TMEM185A: variants seen among roughly 807,000 people sequenced by gnomAD.
TMEM185A encodes family with sequence similarity 11, member A.
In TMEM185A, 9 loss-of-function variants were observed where a neutral mutation model predicts 25.0. The ratio of observed to expected loss-of-function variants is 0.36; its 90% CI spans 0.22 to 0.63. The LOEUF (loss-of-function observed/expected upper bound fraction) is 0.63. Ranked by LOEUF, TMEM185A falls within the 20% of genes least tolerant of loss-of-function variation. The pLI, the probability that TMEM185A is intolerant of heterozygous loss-of-function variation, is 0.68. For missense variants in TMEM185A, 103 were observed against 237.4 expected, an observed-to-expected ratio of 0.43 and a Z score of 3.72; for synonymous variants, 45 against 93.5, an observed-to-expected ratio of 0.48 and a Z score of 2.99.
At position 149,612,086 on chromosome X, in the gene TMEM185A, G is replaced by C. The variant is rs147136422; in HGVS notation, c.39-623C>G. 4.6e-3 allele frequency among the ~76,000 whole-genome samples: 514 copies of C among 112,338 alleles called. 6 individuals carry two copies. Among genetic ancestry groups the C allele is most frequent in the African/African-American group, 0.016 (488 of 30,920 alleles). Reference sequence around the variant, plus strand: ...TCTCATATAAAAGGGAATTGCTACAGAGGATGTCCTTGAAATAATTAGAAA... The same window carrying C: ...TCTCATATAAAAGGGAATTGCTACACAGGATGTCCTTGAAATAATTAGAAA... On this transcript the variant is annotated intron_variant, in intron 1 of 6. Transcript: ENST00000600449.
intron 3 of TMEM185A, among the ~76,000 whole-genome samples, chrX:149,605,923 G>C (rs1202330001): frequency 8.9e-6 from 1 of 111,811 alleles, no homozygotes. Flanking sequence ...TCAGTACATA[G>C]GTACATGGGG....
chrX:149,628,937 C>G (rs1255425894), intron 1 of TMEM185A, among the ~76,000 whole-genome samples: 1 of 111,833 alleles, frequency 8.9e-6, no homozygotes, highest in Non-Finnish European at 1.9e-5. Context: ...ATTTATTGAG[C>G]CAGGTACTAT....
At chrX:149,626,649 C>A (rs782626290) in intron 1 of TMEM185A, among the ~76,000 whole-genome samples, 1 of 112,499 alleles carries the variant, frequency 8.9e-6, no homozygotes, top group East Asian at 2.8e-4. Context: ...ACTCAGCATA[C>A]GGAGGACCCG....
intron 1 of TMEM185A, among the ~76,000 whole-genome samples, chrX:149,628,210 G>A (rs973877223): frequency 9.0e-5 from 10 of 111,655 alleles, no homozygotes; most frequent in African/African-American, 2.6e-4. Flanking sequence ...TACCAGGGTG[G>A]AAGGGCCTTC....
chrX:149,626,477 C>A, intron 1 of TMEM185A, among the ~76,000 whole-genome samples: 1 of 112,912 alleles, frequency 8.9e-6, no homozygotes, highest in East Asian at 2.8e-4. Context: ...CAGGCACTAT[C>A]ATGACCCCAT....
chrX:149,610,125 A>C (rs1394411083), intron 2 of TMEM185A, among the ~76,000 whole-genome samples: 1 of 111,227 alleles, frequency 9.0e-6, no homozygotes, highest in African/African-American at 3.3e-5. Flanking sequence ...TTTAGTAAAC[A>C]AAAATTTAAA....
At chrX:149,610,456 A>G (rs1440354352) in intron 2 of TMEM185A, among the ~76,000 whole-genome samples, 2 of 98,023 alleles carry the variant, frequency 2.0e-5, no homozygotes, top group Non-Finnish European at 4.0e-5. Flanking sequence ...AAAAAAAAAA[A>G]AAGGTGCGGT....
intron 3 of TMEM185A, among the ~76,000 whole-genome samples, chrX:149,604,942 CT>C (rs2124202557): frequency 9.0e-6 from 1 of 111,661 alleles, no homozygotes; most frequent in African/African-American, 3.3e-5. Context: ...CTTCTGTCTC[CT>C]TTTCCCCCTC....
chrX:149,612,497 G>A (rs1177280420), intron 1 of TMEM185A, among the ~76,000 whole-genome samples: 1 of 112,480 alleles, frequency 8.9e-6, no homozygotes, highest in Non-Finnish European at 1.9e-5. Context: ...CAAAAGGAAA[G>A]AAAAAGTTAT....
At chrX:149,622,179 A>C (rs781848370) in intron 1 of TMEM185A, among the ~76,000 whole-genome samples, 11 of 112,684 alleles carry the variant, frequency 9.8e-5, no homozygotes, top group Non-Finnish European at 2.1e-4. Context: ...CAAGAGCAAC[A>C]ATTTACTATC....
At chrX:149,616,818 T>C (rs781957849) in intron 1 of TMEM185A, among the ~76,000 whole-genome samples, 2 of 112,834 alleles carry the variant, frequency 1.8e-5, no homozygotes, top group East Asian at 5.5e-4. Context: ...GCAAAGGACC[T>C]AGAATGGGCA....
chrX:149,624,230 C>T (rs1310152923), intron 1 of TMEM185A, among the ~76,000 whole-genome samples: 1 of 112,099 alleles, frequency 8.9e-6, no homozygotes, highest in Non-Finnish European at 1.9e-5. Flanking sequence ...TGTTAGTATA[C>T]GATGAATCAC....
rs2090151139 is a variant in TMEM185A, at chrX:149,623,845, C to A, written c.38+7698G>T. 2.7e-5 allele frequency among the ~76,000 whole-genome samples: 3 copies of A among 112,226 alleles called. No individual in the cohort carries two copies. In the Admixed American group the frequency reaches 2.8e-4, roughly 11 times the overall value. The stretch of plus-strand genomic sequence containing the variant: ...AAGTTCAAAAGATGTAATTCATACA[C>A]ACTCCTAGTTGGGGAAAGAAAGAAT... On this transcript the variant is annotated intron_variant, in intron 1 of 6. Transcript: ENST00000600449.
At chrX:149,616,851 AG>A (rs1387601549) in intron 1 of TMEM185A, among the ~76,000 whole-genome samples, 8 of 112,811 alleles carry the variant, frequency 7.1e-5, no homozygotes, top group African/African-American at 2.6e-4. Flanking sequence ...AAAAGAACAA[AG>A]TTGGACAATT....
Position 149,611,993 on chromosome X carries a change from A to C in TMEM185A, c.39-530T>G, listed in dbSNP as rs12012136. On this transcript the variant is annotated intron_variant, in intron 1 of 6. Coordinates refer to ENST00000600449, the MANE Select transcript of TMEM185A (RefSeq NM_032508.4). ...CAGCCATCTGTCATATTCATATGGC[A>C]TGAACATTTTAGTGTATGTATTATA... is the stretch of plus-strand genomic sequence containing the variant. 9.3e-3 allele frequency among the ~76,000 whole-genome samples: 1,054 copies of C among 112,734 alleles called. 11 individuals are homozygous for C. The highest frequency in any genetic ancestry group is 0.032 in the African/African-American group (1,005 of 31,023).
intron 1 of TMEM185A, among the ~76,000 whole-genome samples, chrX:149,619,556 G>C (rs58690101): frequency 0.019 from 2,101 of 108,649 alleles, 48 homozygotes; most frequent in African/African-American, 0.067. Flanking sequence ...CAATGTGCAG[G>C]TTAGTTACAT....
At chrX:149,621,242 G>A (rs1416533147) in intron 1 of TMEM185A, among the ~76,000 whole-genome samples, 1 of 110,606 alleles carries the variant, frequency 9.0e-6, no homozygotes, top group African/African-American at 3.3e-5. Context: ...GGTAAATGCT[G>A]TAAGCTAACT....
At position 149,611,437 on chromosome X, in the gene TMEM185A, A is replaced by G; in HGVS notation, c.65T>C (p.Leu22Pro). The change falls in exon 2 of 7, where the codon CTG (leucine) becomes CCG (proline). Residue 22 changes from leucine (L) to proline (P), a missense_variant. Physicochemically the swap from Leu to Pro is moderately conservative, Grantham distance 98 (BLOSUM62 -3). Around this residue, in one of 2 missense-constraint regions of TMEM185A, gnomAD observed 102 missense variants for 125.7 expected, o/e 0.81. Transcript: ENST00000600449. ...PSKFLIYACL[L>P]LFSVLLALRL... ...AAGGGCCAGCAGCACAGAGAACAGC[A>G]GCAGACAGGCATAGATGAGGAATTT... 8.3e-7 allele frequency: 1 copy of G among 1,204,022 alleles called. No individual in the cohort carries two copies. Among genetic ancestry groups the G allele is most frequent in the Non-Finnish European group, 1.1e-6 (1 of 893,155 alleles).
chrX:149,623,246 G>A (rs2090148098), intron 1 of TMEM185A, among the ~76,000 whole-genome samples: 1 of 111,729 alleles, frequency 9.0e-6, no homozygotes, highest in African/African-American at 3.3e-5. Flanking sequence ...GCAGAGACAG[G>A]AGAAAGGGTA....
Sources: allele counts gnomAD v4.1 joint callset (sites outside exome capture counted in the v4.1 genomes callset), GRCh38; gene constraint gnomAD v4.1.1; regional missense constraint gnomAD v4.1.1; transcripts MANE v1.5; gene names NCBI Gene and HGNC (gene_info 2026-07-23, HGNC 2026-07-21).